CAST: variants seen among roughly 807,000 people sequenced by gnomAD.
CAST encodes MIR583 host.
A neutral mutation model predicts 119.6 loss-of-function variants in CAST; 76 were observed. The ratio of observed to expected loss-of-function variants is 0.64; its 90% confidence interval spans 0.53 to 0.77. The LOEUF is 0.77. Among genes scored for constraint, CAST ranks in the 30% least tolerant of loss-of-function variants. The pLI, the probability that CAST is intolerant of heterozygous loss-of-function variation, is 0.00. For missense variants in CAST, 953 were observed against 946.5 expected (o/e 1.01, Z -0.09); for synonymous variants, 319 against 331.6 (o/e 0.96, Z 0.41).
upstream of CAST, among the ~76,000 whole-genome samples, chr5:96,661,380 G>A (rs749495894): frequency 5.9e-5 from 8 of 135,914 alleles, no homozygotes; most frequent in African/African-American, 2.2e-4. Flanking sequence ...AGCAGAGATC[G>A]CGCCACTGCA....
intron 1 of CAST, among the ~76,000 whole-genome samples, chr5:96,536,930 G>A (rs1580814850): frequency 6.6e-6 from 1 of 152,166 alleles, no homozygotes. Flanking sequence ...CATTTCCACT[G>A]ATAAAAGTTA....
At chr5:96,713,186 C>G (rs1481241790) in intron 3 of CAST, among the ~76,000 whole-genome samples, 1 of 146,412 alleles carries the variant, frequency 6.8e-6, no homozygotes, top group Non-Finnish European at 1.5e-5. Flanking sequence ...AGCTGGAGTG[C>G]AGTGGTGCAA....
the CAST span, among the ~76,000 whole-genome samples, chr5:96,421,512 A>G: frequency 6.6e-6 from 1 of 152,184 alleles, no homozygotes; most frequent in Non-Finnish European, 1.5e-5. Flanking sequence ...ATTTCTTTTC[A>G]TGACTAACAT....
the CAST span, chr5:96,410,976 C>T: frequency 3.1e-6 from 5 of 1,612,358 alleles, no homozygotes; most frequent in Non-Finnish European, 4.2e-6. Context: ...GGACCCCTTC[C>T]CCTGTCTCCC....
chr5:96,744,258 A>T (rs1458364073), intron 16 of CAST, among the ~76,000 whole-genome samples: 1 of 152,226 alleles, frequency 6.6e-6, no homozygotes, highest in Non-Finnish European at 1.5e-5. Context: ...TAATAAAGAC[A>T]TACCAGAGAC....
chr5:96,153,952 GTTA>G, the CAST span, among the ~76,000 whole-genome samples: 2 of 152,120 alleles, frequency 1.3e-5, no homozygotes, highest in African/African-American at 2.4e-5. Context: ...GTCTCAATAT[GTTA>G]TTATTTGAAG....
At chr5:96,082,644 T>C in the CAST span, among the ~76,000 whole-genome samples, 1 of 152,256 alleles carries the variant, frequency 6.6e-6, no homozygotes, top group East Asian at 1.9e-4. Flanking sequence ...TTTACTTTTA[T>C]TATTAGTTAT....
chr5:96,313,677 A>C, the CAST span, among the ~76,000 whole-genome samples: 1 of 152,288 alleles, frequency 6.6e-6, no homozygotes, highest in East Asian at 1.9e-4. Flanking sequence ...CCTTCATGTA[A>C]CCTTCACTTT....
intron 24 of CAST, chr5:96,761,608 A>C (rs1447979323): frequency 2.6e-5 from 4 of 152,264 alleles, no homozygotes; most frequent in Non-Finnish European, 5.9e-5. Flanking sequence ...CTGGTTTTTC[A>C]TCAACAGTTA....
chr5:96,110,699 A>T, the CAST span, among the ~76,000 whole-genome samples: 2 of 152,218 alleles, frequency 1.3e-5, no homozygotes, highest in African/African-American at 2.4e-5. Context: ...GGGGAAAATG[A>T]GGCCTGCCTA....
At chr5:96,668,081 A>G (rs17398838) in intron 1 of CAST, among the ~76,000 whole-genome samples, 6,316 of 152,284 alleles carry the variant, frequency 0.041, 175 homozygotes, top group Middle Eastern at 0.092. Context: ...ATTGGTGTCA[A>G]TAATTGTCAA....
chr5:96,615,138 T>C (rs1046237523), intron 1 of CAST, among the ~76,000 whole-genome samples: 2 of 152,244 alleles, frequency 1.3e-5, no homozygotes, highest in African/African-American at 4.8e-5. Context: ...TTCAGCACTT[T>C]ATTATAAAAC....
chr5:96,179,393 C>T, the CAST span, among the ~76,000 whole-genome samples: 1 of 152,210 alleles, frequency 6.6e-6, no homozygotes, highest in South Asian at 2.1e-4. Flanking sequence ...CATTTTGATT[C>T]AGCTATTACC....
the CAST span, among the ~76,000 whole-genome samples, chr5:96,424,114 C>T: frequency 6.6e-6 from 1 of 152,144 alleles, no homozygotes; most frequent in Non-Finnish European, 1.5e-5. Flanking sequence ...CAAGGGAACA[C>T]AGATATAAGC....
chr5:96,320,383 G>A, the CAST span, among the ~76,000 whole-genome samples: 12 of 151,826 alleles, frequency 7.9e-5, no homozygotes, highest in South Asian at 2.1e-4. Flanking sequence ...GATTATAGGC[G>A]CCTGCCACCA....
chr5:96,423,135 C>A, the CAST span, among the ~76,000 whole-genome samples: 2 of 152,238 alleles, frequency 1.3e-5, no homozygotes, highest in East Asian at 1.9e-4. Flanking sequence ...TTTCAATGCC[C>A]ACTGGTACAA....
chr5:96,287,556 T>C, the CAST span, among the ~76,000 whole-genome samples: 264 of 152,236 alleles, frequency 1.7e-3, 3 homozygotes, highest in South Asian at 7.0e-3. Flanking sequence ...CTTTTTTTCT[T>C]CCCTGTGGTA....
the CAST span, among the ~76,000 whole-genome samples, chr5:96,235,396 G>A: frequency 6.6e-6 from 1 of 152,140 alleles, no homozygotes; most frequent in East Asian, 1.9e-4. Flanking sequence ...GCAGTAAAAA[G>A]GACAGACGTA....
the CAST span, among the ~76,000 whole-genome samples, chr5:96,167,771 G>A: frequency 5.3e-5 from 8 of 152,192 alleles, no homozygotes; most frequent in Non-Finnish European, 1.2e-4. Flanking sequence ...TACCCATCCA[G>A]TGAAAGTGTC....
Sources: allele counts gnomAD v4.1 joint callset (sites outside exome capture counted in the v4.1 genomes callset), GRCh38; gene constraint gnomAD v4.1.1; transcripts MANE v1.5; gene names NCBI Gene and HGNC (gene_info 2026-07-23, HGNC 2026-07-21).